The following PHKA1 variants were observed in gnomAD, a reference collection of about 807,000 sequenced individuals.
PHKA1 encodes the protein phosphorylase kinase regulatory subunit alpha 1.
A neutral mutation model predicts 110.2 loss-of-function variants in PHKA1; 60 were observed. The observed-to-expected ratio is 0.54, with a 90% confidence interval of 0.44 to 0.68. The LOEUF (loss-of-function observed/expected upper bound fraction) is 0.68. Among genes scored for constraint, PHKA1 ranks in the 30% least tolerant of loss-of-function variants. PHKA1 has a pLI of 0.00. For synonymous variants in PHKA1, 316 were observed against 333.6 expected (o/e 0.95, Z 0.58); for missense variants, 801 against 942.5 (o/e 0.85, Z 1.97).
chrX:72,666,631 C>A (rs1556306528), intron 7 of PHKA1, among the ~76,000 whole-genome samples: 1 of 111,725 alleles, frequency 9.0e-6, no homozygotes, highest in Non-Finnish European at 1.9e-5. Flanking sequence ...CAGTTACTCA[C>A]AGATAAGGAA....
chrX:72,708,183 A>T (rs2054318541), intron 2 of PHKA1, among the ~76,000 whole-genome samples: 2 of 112,007 alleles, frequency 1.8e-5, no homozygotes, highest in African/African-American at 6.5e-5. Flanking sequence ...GGTTGCATTC[A>T]TGGTACCATC....
chrX:72,694,609 G>C (rs1472330944), intron 4 of PHKA1, among the ~76,000 whole-genome samples: 8 of 111,902 alleles, frequency 7.1e-5, no homozygotes, highest in Non-Finnish European at 1.3e-4. Context: ...ATTCCTCAAA[G>C]GCCTGATCAA....
At chrX:72,608,570 G>T (rs1294319363) in intron 23 of PHKA1, among the ~76,000 whole-genome samples, 1 of 111,231 alleles carries the variant, frequency 9.0e-6, no homozygotes, top group African/African-American at 3.3e-5. Flanking sequence ...TTAAGCCCGC[G>T]GTGGTGAAGC....
At chrX:72,679,919 A>G (rs1453431961) in intron 5 of PHKA1, among the ~76,000 whole-genome samples, 1 of 111,733 alleles carries the variant, frequency 8.9e-6, no homozygotes, top group Non-Finnish European at 1.9e-5. Context: ...GCACAGATCT[A>G]TGGAGCTAAA....
At position 72,712,827 on chromosome X, in the gene PHKA1, C is replaced by G; in HGVS notation, c.189G>C (p.Lys63Asn). Reference protein sequence around the residue: ...AVWGLGLAYRKNADRDEDKAK... With the variant: ...AVWGLGLAYRNNADRDEDKAK... ...CCTTATCCTCATCCCGGTCTGCATT[C>G]TTCCGATAGGCCAGGCCCAAACCCC... The change falls in exon 2 of 32, where the codon AAG becomes AAC. Residue 63 changes from lysine to asparagine, a missense_variant. Physicochemically the swap from Lys to Asn is moderately conservative, Grantham distance 94. Coordinates refer to ENST00000373542, the MANE Select transcript of PHKA1 (RefSeq NM_002637.4). 1 of 1,210,147 alleles carries G rather than the reference C, an allele frequency of 8.3e-7. No individual in the cohort carries two copies. The highest frequency in any genetic ancestry group is 1.1e-6 in the Non-Finnish European group (1 of 894,213).
At chrX:72,691,446 T>C (rs2054038093) in intron 4 of PHKA1, among the ~76,000 whole-genome samples, 1 of 112,324 alleles carries the variant, frequency 8.9e-6, no homozygotes, top group Non-Finnish European at 1.9e-5. Context: ...GCAAAGTCAG[T>C]TGATGTTAAA....
intron 3 of PHKA1, among the ~76,000 whole-genome samples, chrX:72,702,594 C>G (rs1355221412): frequency 2.7e-5 from 3 of 111,547 alleles, no homozygotes; most frequent in Admixed American, 9.5e-5. Context: ...TACCTCCCCC[C>G]ATTTTCTCTT....
chrX:72,588,668 G>C (rs1383782645), intron 29 of PHKA1, among the ~76,000 whole-genome samples: 1 of 111,322 alleles, frequency 9.0e-6, no homozygotes, highest in Non-Finnish European at 1.9e-5. Flanking sequence ...CAAAAAAATT[G>C]ATAGACTGCT....
Position 72,581,028 on chromosome X carries a change from G to C in PHKA1, c.3646C>G (p.Pro1216Ala). 1 of 1,211,216 alleles carries C rather than the reference G, an allele frequency of 8.3e-7. No individual in the cohort carries two copies. Among genetic ancestry groups the C allele is most frequent in the East Asian group, 3.0e-5 (1 of 33,832 alleles). Residue 1216 changes from proline (P) to alanine (A), a missense_variant, in exon 32 of 32, where the codon CCC becomes GCC. Coordinates refer to ENST00000373542, the MANE Select transcript of PHKA1 (RefSeq NM_002637.4). Reference protein sequence around the residue: ...AAATYVQEFLPHSICAMQ With the variant: ...AAATYVQEFLAHSICAMQ ...CATTGCATGGCACAGATGCTGTGGG[G>C]CAGGAACTCCTGCACGTAGGTGGCG...
intron 5 of PHKA1, among the ~76,000 whole-genome samples, chrX:72,678,682 T>C (rs1312366654): frequency 1.8e-5 from 2 of 112,000 alleles, no homozygotes; most frequent in Admixed American, 9.5e-5. Context: ...GTGCTTCTGG[T>C]GAATATGAAG....
At chrX:72,658,289 C>T (rs1388315763) in intron 8 of PHKA1, among the ~76,000 whole-genome samples, 1 of 110,069 alleles carries the variant, frequency 9.1e-6, no homozygotes, top group Non-Finnish European at 1.9e-5. Context: ...GAAACCTTGT[C>T]TTTACAAAAA....
chrX:72,661,398 T>C (rs1355975904), intron 8 of PHKA1, among the ~76,000 whole-genome samples: 1 of 111,759 alleles, frequency 8.9e-6, no homozygotes, highest in Non-Finnish European at 1.9e-5. Flanking sequence ...ATCTTATTGC[T>C]TGTCACTTGA....
Position 72,582,525 on chromosome X carries a change from C to A in PHKA1, c.3371G>T (p.Arg1124Leu), listed in dbSNP as rs782546754. Residue 1124 changes from arginine to leucine, a missense_variant, in exon 31 of 32, where the codon CGT (arginine) becomes CTT (leucine). Arg to Leu is a moderately radical substitution (Grantham distance 102, BLOSUM62 -2). Transcript: ENST00000373542. ...VLNRVPQPEYRQLLVEAILVL... is the reference protein window; with the variant it reads ...VLNRVPQPEYLQLLVEAILVL... ...AAGGATGGCTTCAACCAGCAGCTGA[C>A]GGTACTCTGGCTGAGGTACACGATT... 8.3e-7 allele frequency: 1 copy of A among 1,201,424 alleles called. No individual in the cohort carries two copies. The highest frequency in any genetic ancestry group is 2.2e-5 in the Admixed American group (1 of 45,997).
chrX:72,611,524 A>G (rs1556260911), intron 21 of PHKA1, among the ~76,000 whole-genome samples: 1 of 112,249 alleles, frequency 8.9e-6, no homozygotes, highest in South Asian at 3.7e-4. Context: ...ATTACCAACT[A>G]GGAAAAAATG....
intron 18 of PHKA1, chrX:72,621,998 T>C (rs1416596863): frequency 1.3e-6 from 1 of 747,127 alleles, no homozygotes; most frequent in Non-Finnish European, 1.6e-6. Flanking sequence ...CAACTACCCA[T>C]AGAAGAGCAA....
At chrX:72,675,520 C>A (rs1265289176) in intron 6 of PHKA1, among the ~76,000 whole-genome samples, 3 of 111,415 alleles carry the variant, frequency 2.7e-5, no homozygotes, top group African/African-American at 9.8e-5. Flanking sequence ...CTAAATCATG[C>A]ATATTTCTCA....
chrX:72,599,581 T>C (rs1334397353), intron 28 of PHKA1, among the ~76,000 whole-genome samples: 1 of 112,008 alleles, frequency 8.9e-6, no homozygotes. Context: ...ACTTAACCAA[T>C]ACTTAGCAAA....
At chrX:72,592,982 GTCTA>G (rs2052541902) in intron 29 of PHKA1, 118 bp downstream of exon 29, 2 of 519,840 alleles carry the variant, frequency 3.8e-6, no homozygotes, top group East Asian at 3.4e-5. Flanking sequence ...TCTTGGTTTT[GTCTA>G]TCTGAGTTAT....
intron 5 of PHKA1, among the ~76,000 whole-genome samples, chrX:72,682,994 G>A (rs1556317554): frequency 2.8e-5 from 3 of 106,643 alleles, no homozygotes; most frequent in Non-Finnish European, 5.8e-5. Context: ...AATGCCAGTT[G>A]GAAATCTGAA....
Sources: gnomAD v4.1 joint callset for allele counts (sites outside exome capture counted in the v4.1 genomes callset) on GRCh38, gnomAD v4.1.1 for gene constraint, MANE v1.5 for transcripts, NCBI Gene and HGNC (gene_info 2026-07-23, HGNC 2026-07-21) for gene names.